The following DNAJC6 variants were observed in gnomAD, a reference collection of about 807,000 sequenced individuals.
DNAJC6 encodes the protein auxilin.
DNAJC6 carries 34 observed loss-of-function variants against 110.0 expected under a neutral mutation model. The ratio of observed to expected loss-of-function variants is 0.31; its 90% CI spans 0.24 to 0.41. DNAJC6 has a LOEUF of 0.41. DNAJC6 is among the 10% of genes least tolerant of loss of function. DNAJC6 has a pLI of 1.00. For synonymous variants in DNAJC6, 406 were observed against 437.2 expected, an observed-to-expected ratio of 0.93 and a Z score of 0.89; for missense variants, 1,031 against 1,207.8, an observed-to-expected ratio of 0.85 and a Z score of 2.17.
intron 7 of DNAJC6, among the ~76,000 whole-genome samples, chr1:65,386,299 A>T (rs978121637): frequency 6.6e-6 from 1 of 152,230 alleles, no homozygotes; most frequent in Admixed American, 6.5e-5. Flanking sequence ...TACAGAATCC[A>T]TAATAAAGAG....
chr1:65,398,735 G>A (rs1177838893), intron 13 of DNAJC6, 78 bp from the exon 14 acceptor site: 6 of 1,462,326 alleles, frequency 4.1e-6, no homozygotes, highest in East Asian at 2.3e-5. Context: ...GGGATGGAAT[G>A]GCATTATCCT....
At chr1:65,401,964 G>C (rs1646034090) in intron 15 of DNAJC6, 84 bp downstream of exon 15, 1 of 1,561,086 alleles carries the variant, frequency 6.4e-7, no homozygotes, top group African/African-American at 1.4e-5. Flanking sequence ...GTTACAGCAA[G>C]CTGGTATTGT....
intron 9 of DNAJC6, among the ~76,000 whole-genome samples, chr1:65,388,963 G>T (rs889390236): frequency 1.3e-5 from 2 of 152,158 alleles, no homozygotes; most frequent in African/African-American, 4.8e-5. Flanking sequence ...TGGGCCTATT[G>T]CACTATTTTA....
rs1373877152 is a variant in DNAJC6 at position 65,309,956 on chromosome 1, G to T, written c.193+18G>T. 9.1e-6 allele frequency: 13 copies of T among 1,430,300 alleles called. No homozygotes were observed. Among genetic ancestry groups the T allele is most frequent in the Non-Finnish European group, 1.2e-5 (13 of 1,093,006 alleles). 88.6% of individuals were successfully genotyped at this position (1,430,300 alleles called of 1,614,324 possible). A position where few individuals can be genotyped will look rare whatever the true frequency, so the allele number is the denominator to read the frequency against. ...CAGCTCAGGTAGCGCTGCCCGAGGG[G>T]AGTGCAGCGCTGAGCCCCGCGCGGC... On this transcript the variant is annotated intron_variant, in intron 1 of 18. Transcript: ENST00000371069.
chr1:65,315,525 A>G (rs1290506365), intron 1 of DNAJC6, among the ~76,000 whole-genome samples: 2 of 152,204 alleles, frequency 1.3e-5, no homozygotes, highest in South Asian at 2.1e-4. Context: ...ATGTATATGT[A>G]TGTGTATACC....
intron 14 of DNAJC6, among the ~76,000 whole-genome samples, chr1:65,400,280 G>A (rs748975240): frequency 6.6e-6 from 1 of 152,196 alleles, no homozygotes; most frequent in Non-Finnish European, 1.5e-5. Context: ...ATGGTTAAAT[G>A]TAGCTAATTA....
chr1:65,307,676 A>C (rs1645057469), upstream of DNAJC6, among the ~76,000 whole-genome samples: 1 of 152,240 alleles, frequency 6.6e-6, no homozygotes, highest in Non-Finnish European at 1.5e-5. Context: ...AATGAATTAA[A>C]AGAAAAAGTA....
intron 1 of DNAJC6, among the ~76,000 whole-genome samples, chr1:65,330,669 G>A (rs552716366): frequency 1.3e-5 from 2 of 152,162 alleles, no homozygotes; most frequent in East Asian, 3.9e-4. Flanking sequence ...GGGTTTCACC[G>A]TGTTAGCCAG....
At chr1:65,271,420 C>T (rs542696848) in intron 1 of DNAJC6, among the ~76,000 whole-genome samples, 1 of 152,242 alleles carries the variant, frequency 6.6e-6, no homozygotes, top group African/African-American at 2.4e-5. Flanking sequence ...CCCATGCCCC[C>T]ACCTCCCAGC....
intron 5 of DNAJC6, among the ~76,000 whole-genome samples, chr1:65,380,904 G>GTTTTTTTTTTTT (rs1557551972): frequency 9.3e-6 from 1 of 107,034 alleles, no homozygotes; most frequent in African/African-American, 5.6e-5. Context: ...TTTTTTTTTT[G>GTTTTTTTTTTTT]TTTTTTGTTT....
intron 1 of DNAJC6, among the ~76,000 whole-genome samples, chr1:65,271,594 C>T (rs979360567): frequency 5.3e-5 from 8 of 151,936 alleles, no homozygotes; most frequent in East Asian, 1.9e-4. Context: ...AGGCCGGGTG[C>T]GGTGGCTTAT....
chr1:65,309,720 A>C lies in DNAJC6; in HGVS notation c.-26A>C. On this transcript the variant is annotated 5_prime_UTR_variant, in exon 1 of 19. Transcript: ENST00000371069. ...TCCCTTTTCGCTTCCCAGGTTGATT[A>C]TTTTCTCTTTTCTCCGGGCTTGCCC... 1 of 1,523,628 alleles carries C rather than the reference A, an allele frequency of 6.6e-7. No individual in the cohort carries two copies. The highest frequency in any genetic ancestry group is 8.8e-7 in the Non-Finnish European group (1 of 1,136,022). The allele number at this position is 1,523,628 out of a possible 1,614,324, so 94.4% of individuals were successfully genotyped here.
At chr1:65,410,609 C>T (rs997384568) in intron 17 of DNAJC6, among the ~76,000 whole-genome samples, 11 of 152,196 alleles carry the variant, frequency 7.2e-5, no homozygotes, top group African/African-American at 2.2e-4. Flanking sequence ...GTTAGGTACT[C>T]AATGCTGATA....
intron 15 of DNAJC6, among the ~76,000 whole-genome samples, chr1:65,402,081 T>G (rs371470253): frequency 6.6e-5 from 10 of 152,308 alleles, no homozygotes; most frequent in Admixed American, 3.9e-4. Context: ...GAAATCATCT[T>G]TATTGATTCA....
intron 4 of DNAJC6, among the ~76,000 whole-genome samples, chr1:65,371,241 C>T (rs1645702643): frequency 6.6e-6 from 1 of 152,136 alleles, no homozygotes; most frequent in Admixed American, 6.5e-5. Flanking sequence ...ATAGTGTATA[C>T]AAACTTTAGA....
rs770663830 is a variant in DNAJC6 at position 65,392,803 on chromosome 1, A to G, written c.1841A>G (p.Gln614Arg). The change falls in exon 12 of 19, where the codon CAG becomes CGG. Residue 614 changes from glutamine to arginine, a missense_variant. By Grantham distance (43) the Gln-to-Arg change is conservative. Coordinates refer to ENST00000371069, the MANE Select transcript of DNAJC6 (RefSeq NM_001256864.2). Reference protein sequence around the residue: ...VFHPSGPASTQSTPRRSATST... With the variant: ...VFHPSGPASTRSTPRRSATST... Reference sequence around the variant, plus strand: ...CATCCTAGTGGACCTGCGTCTACCCAGTCAACACCACGCCGCTCTGCCACC... The same window carrying G: ...CATCCTAGTGGACCTGCGTCTACCCGGTCAACACCACGCCGCTCTGCCACC... The G allele has an allele frequency of 1.0e-5, 16 of 1,588,426 alleles. No homozygotes were observed. The highest frequency in any genetic ancestry group is 1.4e-5 in the Non-Finnish European group (16 of 1,168,790).
chr1:65,275,618 T>A (rs1027179181), intron 1 of DNAJC6, among the ~76,000 whole-genome samples: 6 of 152,168 alleles, frequency 3.9e-5, no homozygotes, highest in African/African-American at 1.4e-4. Flanking sequence ...TTTTTTGTAA[T>A]TCTCATAATT....
At chr1:65,347,472 T>C (rs1031757980) in intron 1 of DNAJC6, among the ~76,000 whole-genome samples, 19 of 152,094 alleles carry the variant, frequency 1.2e-4, no homozygotes, top group Admixed American at 3.3e-4. Flanking sequence ...TTCTTTCTGA[T>C]GCTCTTTATG....
At position 65,321,387 on chromosome 1, in the gene DNAJC6, G is replaced by A. The variant is rs111933698; in HGVS notation, c.193+11449G>A. Among the ~76,000 whole-genome samples, 577 of 146,210 alleles carry A rather than the reference G, an allele frequency of 3.9e-3. 1 individual carries two copies. Among genetic ancestry groups the A allele is most frequent in the African/African-American group, 0.014 (547 of 39,252 alleles). On this transcript the variant is annotated intron_variant, in intron 1 of 18. Transcript: ENST00000371069. ...AGGGCTAATTTTTAAATTTTTTGTA[G>A]ACCAGAGTCTTGCTATGTTGCCCAG...
Sources: gnomAD v4.1 joint callset for allele counts (sites outside exome capture counted in the v4.1 genomes callset) on GRCh38, gnomAD v4.1.1 for gene constraint, MANE v1.5 for transcripts, NCBI Gene and HGNC (gene_info 2026-07-23, HGNC 2026-07-21) for gene names.